Variants in CATSPERD observed in about 807,000 individuals in gnomAD.
CATSPERD encodes cation channel sperm-associated auxiliary subunit delta.
In CATSPERD, 86 loss-of-function variants were observed where a neutral mutation model predicts 98.1. That is an observed-to-expected ratio of 0.88 (90% CI 0.74 to 1.05). The LOEUF (loss-of-function observed/expected upper bound fraction) is 1.05, where lower values mean the gene tolerates loss of function less well. Among genes scored for constraint, CATSPERD ranks in the 50% least tolerant of loss-of-function variants. The probability of loss-of-function intolerance (pLI) is 0.00; values close to 1 mark genes in which losing one functional copy is unlikely to be tolerated. For synonymous variants in CATSPERD, 394 were observed against 390.2 expected, an observed-to-expected ratio of 1.01 and a Z score of -0.12; for missense variants, 995 against 1,005.7, an observed-to-expected ratio of 0.99 and a Z score of 0.14.
At chr19:5,726,671 C>T (rs538568769) in intron 2 of CATSPERD, among the ~76,000 whole-genome samples, 7 of 152,112 alleles carry the variant, frequency 4.6e-5, no homozygotes, top group South Asian at 4.1e-4. Flanking sequence ...CGTGAGCCAC[C>T]GCACCTGGCC....
Position 5,776,167 on chromosome 19 carries a change from G to A in CATSPERD, c.1948G>A (p.Val650Met), listed in dbSNP as rs557882556. 1.2e-6 allele frequency: 2 copies of A among 1,614,176 alleles called. No individual in the cohort carries two copies. The highest frequency in any genetic ancestry group is 1.3e-5 in the African/African-American group (1 of 75,070). ...ATGTCTCTGTCCCCCACAGAACTAT[G>A]TGAGCTGCCACGACCCCAACAACAA... ...GPFFWNRENYVSCHDPNNNAP... is the reference protein window; with the variant it reads ...GPFFWNRENYMSCHDPNNNAP... The change falls in exon 21 of 22, where the codon GTG becomes ATG. Residue 650 changes from valine to methionine, a missense_variant. Transcript: ENST00000381624.
intron 5 of CATSPERD, among the ~76,000 whole-genome samples, chr19:5,735,730 C>T (rs1325236258): frequency 6.6e-6 from 1 of 151,494 alleles, no homozygotes; most frequent in Non-Finnish European, 1.5e-5. Flanking sequence ...ACCTCGGCCT[C>T]CCAAAGTGCT....
chr19:5,754,249 A>G lies in CATSPERD; in HGVS notation c.1278+4A>G, dbSNP rs2056281846. 1 of 1,599,118 alleles carries G rather than the reference A, an allele frequency of 6.3e-7. No individual in the cohort carries two copies. Among genetic ancestry groups the G allele is most frequent in the African/African-American group, 1.3e-5 (1 of 74,688 alleles). On this transcript the variant is annotated splice_donor_region_variant and intron_variant, in intron 13 of 21. Coordinates refer to ENST00000381624, the MANE Select transcript of CATSPERD (RefSeq NM_152784.4). ...AGGCACATCCCTGATTCCTCTGGTA[A>G]GTACATCTTAATGTTTCTGCTATCT...
chr19:5,763,861 T>C (rs1054101835), intron 16 of CATSPERD, among the ~76,000 whole-genome samples: 3 of 141,326 alleles, frequency 2.1e-5, no homozygotes, highest in African/African-American at 7.7e-5. Context: ...TTTTTTTTTT[T>C]TTTTGACATG....
intron 11 of CATSPERD, among the ~76,000 whole-genome samples, chr19:5,751,000 G>T (rs1700136361): frequency 2.0e-5 from 3 of 151,162 alleles, no homozygotes; most frequent in South Asian, 4.2e-4. Flanking sequence ...TGGATCACGA[G>T]GTCAGGAGTT....
chr19:5,761,766 G>A (rs1194681891), intron 15 of CATSPERD, among the ~76,000 whole-genome samples: 15 of 150,646 alleles, frequency 1.0e-4, no homozygotes, highest in Non-Finnish European at 2.1e-4. Flanking sequence ...GCAATGGCAC[G>A]ATCTCGGCTC....
chr19:5,778,344 C>T, intron 21 of CATSPERD, 32 bp from the exon 22 acceptor site: 1 of 1,572,070 alleles, frequency 6.4e-7, no homozygotes, highest in Admixed American at 1.7e-5. Context: ...AGGCAATGCC[C>T]AACAGCCTCT....
Position 5,741,790 on chromosome 19 carries a change from G to GA in CATSPERD, c.573+2351_573+2352insA, listed in dbSNP as rs1044176836. On this transcript the variant is annotated intron_variant, in intron 7 of 21. Transcript: ENST00000381624. ...GCACTTTGGGATGCTGAAGGCGGGG[G>GA]GGGGGGGGTGGTGTGGATCACTTGA... Among the ~76,000 whole-genome samples, 33 of 96,746 alleles carry GA rather than the reference G, an allele frequency of 3.4e-4. 12 individuals carry two copies. The highest frequency in any genetic ancestry group is 2.4e-5 in the Non-Finnish European group (1 of 41,522). 63.5% of individuals were successfully genotyped at this position (96,746 alleles called of 152,430 possible). A position where few individuals can be genotyped will look rare whatever the true frequency, so the allele number is the denominator to read the frequency against.
intron 9 of CATSPERD, 47 bp downstream of exon 9, chr19:5,746,110 C>CA (rs77656808): frequency 0.33 from 527,730 of 1,606,056 alleles, 91,972 homozygotes; most frequent in East Asian, 0.7. Flanking sequence ...TGGCCTCCTC[C>CA]AGAGGGGCCG....
At chr19:5,733,773 C>A in intron 4 of CATSPERD, 83 bp from the exon 5 acceptor site, 1 of 926,772 alleles carries the variant, frequency 1.1e-6, no homozygotes, top group Non-Finnish European at 1.6e-6. Flanking sequence ...TTTTTTTTTT[C>A]AATGCATGTC....
rs570273985 is a variant in CATSPERD, at chr19:5,745,455, C to T, written c.658-458C>T. On this transcript the variant is annotated intron_variant, in intron 8 of 21. Coordinates refer to ENST00000381624, the MANE Select transcript of CATSPERD (RefSeq NM_152784.4). ...CCAAGATGGTGAAACCCCGTCTCTG[C>T]TAAAAACACAAAAAAATTAGCCCGG... is the stretch of plus-strand genomic sequence containing the variant. Among the ~76,000 whole-genome samples the T allele has an allele frequency of 3.3e-5, 5 of 151,978 alleles. No homozygotes were observed. The East Asian group carries it at 9.8e-4, about 30-fold the overall frequency.
chr19:5,778,724 G>T lies in CATSPERD; in HGVS notation c.*48G>T. 1 of 1,541,140 alleles carries T rather than the reference G, an allele frequency of 6.5e-7. No individual in the cohort carries two copies. Among genetic ancestry groups the T allele is most frequent in the Non-Finnish European group, 8.8e-7 (1 of 1,140,844 alleles). ...CCCTTGTCTTCAAATAAAGTATAAT[G>T]TAACATAGCAGGAAGCAGTATGTAT... On this transcript the variant is annotated 3_prime_UTR_variant, in exon 22 of 22. Coordinates refer to ENST00000381624, the MANE Select transcript of CATSPERD (RefSeq NM_152784.4).
chr19:5,750,110 C>CT (rs1189600470), intron 11 of CATSPERD, among the ~76,000 whole-genome samples: 1 of 148,558 alleles, frequency 6.7e-6, no homozygotes, highest in East Asian at 2.1e-4. Flanking sequence ...GGCCGAAACT[C>CT]TGTTTCTTAA....
intron 21 of CATSPERD, among the ~76,000 whole-genome samples, chr19:5,777,051 T>C (rs1220183202): frequency 6.6e-6 from 1 of 151,892 alleles, no homozygotes; most frequent in Non-Finnish European, 1.5e-5. Context: ...GCTGAGGAGA[T>C]TATAAAGCCA....
At chr19:5,738,353 A>T (rs1176505017) in intron 6 of CATSPERD, among the ~76,000 whole-genome samples, 1 of 38,626 alleles carries the variant, frequency 2.6e-5, no homozygotes. Flanking sequence ...CTCAAAATAC[A>T]AAAAAAAAAA....
chr19:5,724,732 C>G, intron 1 of CATSPERD, 76 bp from the exon 2 acceptor site: 7 of 1,436,374 alleles, frequency 4.9e-6, no homozygotes, highest in Non-Finnish European at 6.9e-6. Context: ...AGGGTTAACC[C>G]TGAGTTGGCT....
At chr19:5,736,628 C>T (rs886561072) in intron 5 of CATSPERD, among the ~76,000 whole-genome samples, 10 of 151,618 alleles carry the variant, frequency 6.6e-5, no homozygotes, top group African/African-American at 2.2e-4. Flanking sequence ...GCAGGAGAAT[C>T]GTTTGAACCT....
chr19:5,762,060 T>TATATATATATATA (rs1568367069), intron 15 of CATSPERD, among the ~76,000 whole-genome samples: 6 of 12,078 alleles, frequency 5.0e-4, no homozygotes, highest in Non-Finnish European at 6.7e-4. Flanking sequence ...ATATATATAT[T>TATATATATATATA]TTTTTTTTTT....
chr19:5,776,017 C>T, intron 20 of CATSPERD, 144 bp from the exon 21 acceptor site: 1 of 804,254 alleles, frequency 1.2e-6, no homozygotes, highest in South Asian at 1.7e-5. Flanking sequence ...AACCTGCCCA[C>T]ACCATGGGCA....
Sources: gnomAD v4.1 joint callset for allele counts (sites outside exome capture counted in the v4.1 genomes callset) on GRCh38, gnomAD v4.1.1 for gene constraint, MANE v1.5 for transcripts, NCBI Gene and HGNC (gene_info 2026-07-23, HGNC 2026-07-21) for gene names.